The following PCLO variants were observed in gnomAD, a reference collection of about 807,000 sequenced individuals.
PCLO encodes piccolo presynaptic cytomatrix protein.
In PCLO, 82 loss-of-function variants were observed where a neutral mutation model predicts 427.5. The ratio of observed to expected loss-of-function variants is 0.19; its 90% CI spans 0.16 to 0.23. The LOEUF is 0.23. PCLO is among the 10% of genes least tolerant of loss of function. The pLI, the probability that PCLO is intolerant of heterozygous loss-of-function variation, is 1.00. For synonymous variants in PCLO, 2,357 were observed against 2,155.4 expected (o/e 1.09, Z -2.59); for missense variants, 6,239 against 6,115.9 (o/e 1.02, Z -0.67).
intron 3 of PCLO, among the ~76,000 whole-genome samples, chr7:83,097,076 TA>T (rs1250139220): frequency 2.4e-4 from 15 of 62,674 alleles, no homozygotes; most frequent in African/African-American, 1.1e-3. Flanking sequence ...ATACATTATA[TA>T]AATATATTAT....
chr7:82,792,432 T>A (rs932645290), intron 22 of PCLO, among the ~76,000 whole-genome samples: 3 of 151,780 alleles, frequency 2.0e-5, no homozygotes, highest in Admixed American at 6.6e-5. Context: ...GCCCAAGCGA[T>A]ACTCCCTCCT....
intron 19 of PCLO, among the ~76,000 whole-genome samples, 167 bp downstream of exon 19, chr7:82,824,069 T>C (rs982813087): frequency 1.5e-4 from 23 of 152,188 alleles, no homozygotes; most frequent in South Asian, 4.1e-4. Context: ...GATCTGAGAA[T>C]AAAGCCCATT....
At chr7:83,083,540 C>T (rs778375175) in intron 3 of PCLO, among the ~76,000 whole-genome samples, 2 of 151,960 alleles carry the variant, frequency 1.3e-5, no homozygotes, top group Non-Finnish European at 1.5e-5. Context: ...TGTTTTCCCT[C>T]TCTGTTAACC....
chr7:82,907,695 T>A (rs1345097285), intron 8 of PCLO, among the ~76,000 whole-genome samples: 1 of 151,842 alleles, frequency 6.6e-6, no homozygotes, highest in East Asian at 1.9e-4. Flanking sequence ...AAACAAAATA[T>A]GTATTGAAGA....
At position 83,155,476 on chromosome 7, in the gene PCLO, T is replaced by G. The variant is rs769442475; in HGVS notation, c.1165A>C (p.Lys389Gln). ...ACTCCAGGAGGCTGAGCTAAAGCCT[T>G]TGGCCCAGGCTGCTCCGATGAAGGC... ...EKPSSEQPGP[K>Q]ALAQPPGVGK... The change falls in exon 2 of 25, where the codon AAG becomes CAG. Residue 389 changes from lysine (K) to glutamine (Q), a missense_variant. Lys to Gln is a moderately conservative substitution (Grantham distance 53). Transcript: ENST00000333891. 1.3e-6 allele frequency: 2 copies of G among 1,572,316 alleles called. No homozygotes were observed. Among genetic ancestry groups the G allele is most frequent in the South Asian group, 1.1e-5 (1 of 89,046 alleles).
intron 8 of PCLO, among the ~76,000 whole-genome samples, chr7:82,907,321 T>A (rs1794215555): frequency 6.6e-6 from 1 of 151,996 alleles, no homozygotes; most frequent in Non-Finnish European, 1.5e-5. Flanking sequence ...TGACTGGATC[T>A]AGGTTTGTGG....
chr7:83,134,768 T>A lies in PCLO; in HGVS notation c.2782A>T (p.Thr928Ser). 6.2e-7 allele frequency: 1 copy of A among 1,613,934 alleles called. No homozygotes were observed. ...SQPTTPQETVTGKLFGFGASI... is the reference protein window; with the variant it reads ...SQPTTPQETVSGKLFGFGASI... ...GCTCCAAACCCAAAGAGTTTCCCAG[T>A]CACGGTCTCTTGAGGAGTTGTAGGC... Residue 928 changes from threonine (T) to serine (S), a missense_variant, in exon 3 of 25, where the codon ACT (threonine) becomes TCT (serine). Physicochemically the swap from Thr to Ser is moderately conservative, Grantham distance 58 (BLOSUM62 1). Coordinates refer to ENST00000333891, the MANE Select transcript of PCLO (RefSeq NM_033026.6).
intron 6 of PCLO, among the ~76,000 whole-genome samples, chr7:82,919,259 AGATCATGTCAG>A (rs1794540807): frequency 6.6e-6 from 1 of 152,010 alleles, no homozygotes; most frequent in African/African-American, 2.4e-5. Flanking sequence ...GAAAAAATAT[AGATCATGTCAG>A]GAAAGTTCTA....
chr7:83,156,589 G>A lies in PCLO; in HGVS notation c.249-197C>T, dbSNP rs145204826. Reference sequence around the variant, plus strand: ...TTTTTTCTTTCTTTAAATGGGTAGAGATTTTCAACAAGCAAGTGAAGAAAA... The same window carrying A: ...TTTTTTCTTTCTTTAAATGGGTAGAAATTTTCAACAAGCAAGTGAAGAAAA... On this transcript the variant is annotated intron_variant, in intron 1 of 24. Transcript: ENST00000333891. Among the ~76,000 whole-genome samples, 301 of 151,246 alleles carry A rather than the reference G, an allele frequency of 2.0e-3. 3 individuals are homozygous for A. The highest frequency in any genetic ancestry group is 6.7e-3 in the African/African-American group (276 of 41,296).
intron 6 of PCLO, among the ~76,000 whole-genome samples, chr7:82,928,429 C>G (rs919903014): frequency 1.3e-5 from 2 of 152,150 alleles, no homozygotes; most frequent in African/African-American, 4.8e-5. Context: ...ACTAGCAAAA[C>G]TACACAGGTC....
chr7:82,836,502 T>C (rs1229726007), intron 15 of PCLO, among the ~76,000 whole-genome samples: 2 of 152,152 alleles, frequency 1.3e-5, no homozygotes, highest in African/African-American at 4.8e-5. Context: ...TCCTATACTA[T>C]GTGACTATTG....
At chr7:82,927,980 T>A (rs1214179001) in intron 6 of PCLO, among the ~76,000 whole-genome samples, 1 of 152,168 alleles carries the variant, frequency 6.6e-6, no homozygotes, top group Non-Finnish European at 1.5e-5. Context: ...TGAGTCTAAT[T>A]TAACTAAAAT....
chr7:82,953,497 C>A lies in PCLO; in HGVS notation c.7456G>T (p.Val2486Phe). The A allele has an allele frequency of 6.2e-7, 1 of 1,613,376 alleles. No homozygotes were observed. The highest frequency in any genetic ancestry group is 1.1e-5 in the South Asian group (1 of 91,054). Residue 2486 changes from valine to phenylalanine, a missense_variant, in exon 5 of 25, where the codon GTT becomes TTT. Physicochemically the swap from Val to Phe is conservative, Grantham distance 50. Transcript: ENST00000333891. Reference sequence around the variant, plus strand: ...GGAATTGAAGATGGCTTAGGAGGAACAGGAGGAGGTGCAGTAGTACATATT... The same window carrying A: ...GGAATTGAAGATGGCTTAGGAGGAAAAGGAGGAGGTGCAGTAGTACATATT... ...TRICTTAPPP[V>F]PPKPSSIPSG...
At position 82,952,414 on chromosome 7, in the gene PCLO, C is replaced by G. The variant is rs762911980; in HGVS notation, c.8539G>C (p.Ala2847Pro). 10 of 1,613,732 alleles carry G rather than the reference C, an allele frequency of 6.2e-6. No homozygotes were observed. In the East Asian group the frequency reaches 2.0e-4, roughly 32 times the overall value. The change falls in exon 5 of 25, where the codon GCT (alanine) becomes CCT (proline). Residue 2847 changes from alanine (A) to proline (P), a missense_variant. Ala to Pro is a conservative substitution (Grantham distance 27). This residue lies in a region of PCLO where 4,677 missense variants were observed against 4,468.4 expected (regional missense o/e 1.05). Transcript: ENST00000333891. ...AAGTTTATTGGTGCTTCTTCCCTAG[C>G]TATAGGAAAGACCTGGTCACTTGGT... ...RIPSDQVFPI[A>P]REEAPINLSL...
intron 3 of PCLO, among the ~76,000 whole-genome samples, chr7:83,076,995 A>AATATG: frequency 6.8e-6 from 1 of 146,496 alleles, no homozygotes; most frequent in East Asian, 2.0e-4. Context: ...TTAAAAGTAT[A>AATATG]ATAATTTTAA....
chr7:83,131,303 A>G (rs1373595973), intron 3 of PCLO, among the ~76,000 whole-genome samples: 1 of 152,112 alleles, frequency 6.6e-6, no homozygotes, highest in African/African-American at 2.4e-5. Context: ...GTCTGGCTGC[A>G]CCCCAGGGCC....
chr7:83,102,822 A>G (rs957204970), intron 3 of PCLO, among the ~76,000 whole-genome samples: 1 of 151,810 alleles, frequency 6.6e-6, no homozygotes, highest in Non-Finnish European at 1.5e-5. Context: ...GTTCATTATG[A>G]TTTTTCTAAT....
intron 3 of PCLO, among the ~76,000 whole-genome samples, chr7:82,995,069 G>A (rs891527176): frequency 2.0e-5 from 3 of 151,870 alleles, no homozygotes; most frequent in African/African-American, 7.3e-5. Context: ...TGAATATATG[G>A]GTCTGAAGCT....
At chr7:82,771,504 C>T (rs1472485622) in intron 22 of PCLO, among the ~76,000 whole-genome samples, 2 of 151,958 alleles carry the variant, frequency 1.3e-5, no homozygotes, top group African/African-American at 2.4e-5. Context: ...ATAGTATTGT[C>T]AATGACAAAT....
Sources: gnomAD v4.1 joint callset for allele counts (sites outside exome capture counted in the v4.1 genomes callset) on GRCh38, gnomAD v4.1.1 for gene constraint, gnomAD v4.1.1 regional missense constraint, MANE v1.5 for transcripts, NCBI Gene and HGNC (gene_info 2026-07-23, HGNC 2026-07-21) for gene names.